Variants in SLC39A11 observed in about 807,000 individuals in gnomAD.
SLC39A11 encodes solute carrier family 39 member 11.
A neutral mutation model predicts 36.1 loss-of-function variants in SLC39A11; 33 were observed. The ratio of observed to expected loss-of-function variants is 0.91; its 90% CI spans 0.69 to 1.22. SLC39A11 has a LOEUF of 1.22. Ranked by LOEUF, SLC39A11 falls within the 50% of genes most tolerant of loss-of-function variation. The probability of loss-of-function intolerance (pLI) is 0.00; values close to 1 mark genes in which losing one functional copy is unlikely to be tolerated. For missense variants in SLC39A11, 432 were observed against 430.3 expected (o/e 1.00, Z -0.03); for synonymous variants, 166 against 170.3 (o/e 0.97, Z 0.20).
At chr17:72,933,381 G>C (rs1271749677) in intron 5 of SLC39A11, among the ~76,000 whole-genome samples, 1 of 152,078 alleles carries the variant, frequency 6.6e-6, no homozygotes, top group African/African-American at 2.4e-5. Flanking sequence ...GTATGATGAA[G>C]ACCACAAAAC....
intron 6 of SLC39A11, among the ~76,000 whole-genome samples, chr17:72,822,332 A>G (rs1187227920): frequency 6.7e-6 from 1 of 148,190 alleles, no homozygotes; most frequent in Non-Finnish European, 1.5e-5. Flanking sequence ...ATATAGAGAG[A>G]GAGAGAGAAA....
At chr17:72,905,051 T>C (rs1184111789) in intron 5 of SLC39A11, among the ~76,000 whole-genome samples, 1 of 151,424 alleles carries the variant, frequency 6.6e-6, no homozygotes, top group Non-Finnish European at 1.5e-5. Context: ...CGGGCACCTG[T>C]AGTCCCAGCT....
intron 9 of SLC39A11, 145 bp downstream of exon 9, chr17:72,648,655 TGAG>T (rs2069695209): frequency 1.3e-5 from 13 of 971,154 alleles, no homozygotes; most frequent in Admixed American, 7.9e-5. Context: ...AGAGCACAGT[TGAG>T]GAGGCAGTGG....
chr17:72,794,469 C>G (rs2076823568), intron 6 of SLC39A11, among the ~76,000 whole-genome samples: 1 of 152,038 alleles, frequency 6.6e-6, no homozygotes, highest in East Asian at 1.9e-4. Context: ...TTCGTTTCTT[C>G]TCATCACTCT....
chr17:72,810,868 TAG>T (rs1356559110), intron 6 of SLC39A11, among the ~76,000 whole-genome samples: 1 of 151,996 alleles, frequency 6.6e-6, no homozygotes, highest in Non-Finnish European at 1.5e-5. Context: ...GTATTTTTAG[TAG>T]AAAAAGAGTT....
chr17:72,845,482 C>A (rs1293582569), intron 6 of SLC39A11, among the ~76,000 whole-genome samples: 7 of 152,224 alleles, frequency 4.6e-5, no homozygotes, highest in Non-Finnish European at 8.8e-5. Flanking sequence ...TCAAGGACAT[C>A]TCAAGGAGCC....
At chr17:72,962,870 C>T (rs530743834) in intron 4 of SLC39A11, among the ~76,000 whole-genome samples, 3 of 152,218 alleles carry the variant, frequency 2.0e-5, no homozygotes, top group East Asian at 3.9e-4. Flanking sequence ...TCTGCCTCTA[C>T]GGGGAGTCAG....
intron 7 of SLC39A11, among the ~76,000 whole-genome samples, chr17:72,732,040 CTTTTTTTTT>C (rs764728558): frequency 3.0e-5 from 1 of 33,666 alleles, no homozygotes; most frequent in Non-Finnish European, 5.7e-5. Context: ...CTTTTCTTTT[CTTTTTTTTT>C]TTTTTTTTTT....
intron 5 of SLC39A11, among the ~76,000 whole-genome samples, chr17:72,928,050 A>G (rs1367615000): frequency 6.6e-6 from 1 of 152,256 alleles, no homozygotes; most frequent in Non-Finnish European, 1.5e-5. Context: ...TCCAAAAAAA[A>G]AGATAAAATT....
intron 3 of SLC39A11, among the ~76,000 whole-genome samples, chr17:73,061,078 C>T (rs2059825661): frequency 6.6e-6 from 1 of 152,186 alleles, no homozygotes; most frequent in African/African-American, 2.4e-5. Flanking sequence ...ATTCTCAGAA[C>T]TCACCGAGCG....
intron 6 of SLC39A11, among the ~76,000 whole-genome samples, chr17:72,750,789 A>G (rs1340733826): frequency 3.1e-5 from 2 of 63,832 alleles, no homozygotes; most frequent in African/African-American, 6.5e-5. Context: ...TTAATGGAGG[A>G]AAAAAAAAAA....
intron 6 of SLC39A11, among the ~76,000 whole-genome samples, chr17:72,740,051 CTTTTCTT>C (rs2074608967): frequency 1.0e-5 from 1 of 97,654 alleles, no homozygotes; most frequent in Admixed American, 1.1e-4. Flanking sequence ...AATTTCTTTC[CTTTTCTT>C]TTTTTTTTTT....
At chr17:72,740,056 CTTTTTTTTTTTTTTTTT>C (rs386386565) in intron 6 of SLC39A11, among the ~76,000 whole-genome samples, 1 of 81,462 alleles carries the variant, frequency 1.2e-5, no homozygotes, top group African/African-American at 5.2e-5. Context: ...CTTTCCTTTT[CTTTTTTTTTTTTTTTTT>C]TTTTTTTGAG....
chr17:73,045,705 C>T (rs558986927), intron 3 of SLC39A11, among the ~76,000 whole-genome samples: 1 of 152,292 alleles, frequency 6.6e-6, no homozygotes, highest in South Asian at 2.1e-4. Flanking sequence ...AAGGCAGATC[C>T]AGACCAGCCA....
chr17:72,706,428 G>A (rs1567967604), intron 7 of SLC39A11, among the ~76,000 whole-genome samples: 1 of 152,172 alleles, frequency 6.6e-6, no homozygotes, highest in Non-Finnish European at 1.5e-5. Flanking sequence ...GAAACTCCCA[G>A]TGGAGCACAG....
At chr17:73,013,811 G>T (rs892912394) in intron 4 of SLC39A11, among the ~76,000 whole-genome samples, 2 of 152,046 alleles carry the variant, frequency 1.3e-5, no homozygotes, top group Non-Finnish European at 2.9e-5. Flanking sequence ...CATGGTTTCA[G>T]GACCAATGAG....
At chr17:72,732,703 T>A (rs1419594642) in intron 7 of SLC39A11, among the ~76,000 whole-genome samples, 1 of 152,234 alleles carries the variant, frequency 6.6e-6, no homozygotes, top group African/African-American at 2.4e-5. Flanking sequence ...AGAGTCCTCC[T>A]CCTTGCCCCC....
chr17:72,938,092 C>T (rs946030107), intron 5 of SLC39A11, among the ~76,000 whole-genome samples: 12 of 152,154 alleles, frequency 7.9e-5, no homozygotes, highest in African/African-American at 2.7e-4. Flanking sequence ...ATCATGTTTC[C>T]TTGAGACAAC....
intron 4 of SLC39A11, among the ~76,000 whole-genome samples, chr17:72,952,697 C>G (rs1423470679): frequency 2.0e-5 from 3 of 152,162 alleles, no homozygotes; most frequent in Non-Finnish European, 4.4e-5. Context: ...GTTTTCATCT[C>G]TGCAATGCCT....
Sources: gnomAD v4.1 joint callset for allele counts (sites outside exome capture counted in the v4.1 genomes callset) on GRCh38, gnomAD v4.1.1 for gene constraint, MANE v1.5 for transcripts, NCBI Gene and HGNC (gene_info 2026-07-23, HGNC 2026-07-21) for gene names.